The following NCS1 variants were observed in gnomAD, a reference collection of about 807,000 sequenced individuals.
NCS1 encodes frequenin homolog.
Under a neutral mutation model 28.4 loss-of-function variants are expected in NCS1, and 6 were observed. That is an observed-to-expected ratio of 0.21 (90% confidence interval 0.12 to 0.42). NCS1 has a LOEUF of 0.42. Ranked by LOEUF, NCS1 falls within the 10% of genes least tolerant of loss-of-function variation. The pLI is 1.00. For missense variants in NCS1, 131 were observed against 241.4 expected, an observed-to-expected ratio of 0.54 and a Z score of 3.03; for synonymous variants, 86 against 99.3, an observed-to-expected ratio of 0.87 and a Z score of 0.79.
chr9:130,203,044 A>ATG (rs1491370328), intron 2 of NCS1, among the ~76,000 whole-genome samples: 1 of 100,324 alleles, frequency 1.0e-5, no homozygotes, highest in Non-Finnish European at 1.9e-5. Context: ...TCCAGGGTAA[A>ATG]TATGTGTGTG....
chr9:130,176,226 T>C (rs1375889284), intron 1 of NCS1, among the ~76,000 whole-genome samples: 1 of 140,536 alleles, frequency 7.1e-6, no homozygotes, highest in Admixed American at 7.5e-5. Context: ...AGGGTCTGGC[T>C]GTGTTGCCCT....
chr9:130,228,190 C>CT (rs201009270), intron 7 of NCS1, among the ~76,000 whole-genome samples: 2,169 of 148,796 alleles, frequency 0.015, 52 homozygotes, highest in African/African-American at 0.043. Context: ...CTTTTTCTTT[C>CT]TTTTTTTTTT....
chr9:130,211,932 C>A (rs1833118245), intron 2 of NCS1, among the ~76,000 whole-genome samples: 1 of 152,060 alleles, frequency 6.6e-6, no homozygotes, highest in African/African-American at 2.4e-5. Flanking sequence ...CATGACCCGG[C>A]CTGGGGTGGT....
intron 1 of NCS1, among the ~76,000 whole-genome samples, chr9:130,183,178 C>A (rs1368115532): frequency 6.6e-6 from 1 of 152,192 alleles, no homozygotes; most frequent in African/African-American, 2.4e-5. Flanking sequence ...AGAGTTGGGT[C>A]CTGGTTCCAG....
At chr9:130,202,579 GTT>G (rs11329541) in intron 2 of NCS1, among the ~76,000 whole-genome samples, 166 of 122,618 alleles carry the variant, frequency 1.4e-3, no homozygotes, top group Middle Eastern at 4.1e-3. Context: ...TCAAATCCAT[GTT>G]TTTTTTTTTT....
Position 130,181,575 on chromosome 9 carries a change from G to A in NCS1, c.64+8848G>A, listed in dbSNP as rs1242431088. On this transcript the variant is annotated intron_variant, in intron 1 of 7. Transcript: ENST00000372398. This position sits in a 1 kb window ranked among gnomAD's most constrained non-coding sequence, Gnocchi z 5.0. ...GATGAGAGCTGGCTCATGGTCCCAC[G>A]GCTGGAGAGTGGTGCCATTGGGGTC... Among the ~76,000 whole-genome samples, 2 of 152,128 alleles carry A rather than the reference G, an allele frequency of 1.3e-5. No homozygotes were observed. The highest frequency in any genetic ancestry group is 2.1e-4 in the South Asian group (1 of 4,826).
rs1218437498 is a variant in NCS1, at chr9:130,233,994, TTTCTC to T, written c.*1023_*1027del. The T allele has an allele frequency of 6.6e-6, 1 of 152,070 alleles. No individual in the cohort carries two copies. Among genetic ancestry groups the T allele is most frequent in the Admixed American group, 6.6e-5 (1 of 15,250 alleles). The allele number at this position is 152,070 out of a possible 1,614,324, so 9.4% of individuals were successfully genotyped here. A position where few individuals can be genotyped will look rare whatever the true frequency, so the allele number is the denominator to read the frequency against. On this transcript the variant is annotated 3_prime_UTR_variant, in exon 8 of 8. Transcript: ENST00000372398. This position sits in a 1 kb window ranked among gnomAD's most constrained non-coding sequence, Gnocchi z 4.8. The stretch of plus-strand genomic sequence containing the variant: ...AGGATGAACAGGGGACATCTTTAGG[TTTCTC>T]AACTCTTGCTTTGGTGTTTGCCGCA...
rs1833335374 is a variant in NCS1 at position 130,222,113 on chromosome 9, C to CAT, written c.308-537_308-536insAT. Among the ~76,000 whole-genome samples, 18 of 17,100 alleles carry CAT rather than the reference C, an allele frequency of 1.1e-3. 2 individuals carry two copies. The South Asian group carries it at 0.043, about 41-fold the overall frequency. The allele number at this position is 17,100 out of a possible 152,430, so 11.2% of individuals were successfully genotyped here. On this transcript the variant is annotated intron_variant, in intron 4 of 7. Transcript: ENST00000372398. ...ATATGTGTGTGTGTATATATATATACGTATATATATATGTGTATATATATA... is the reference window on the plus strand; with the variant it reads ...ATATGTGTGTGTGTATATATATATACATGTATATATATATGTGTATATATATA...
chr9:130,178,940 T>TTCCCTCCC (rs1832618274), intron 1 of NCS1, among the ~76,000 whole-genome samples: 1 of 43,532 alleles, frequency 2.3e-5, no homozygotes, highest in Non-Finnish European at 4.6e-5. Flanking sequence ...CCTTCCCTCC[T>TTCCCTCCC]CTTTTTTTTT....
chr9:130,228,532 G>A (rs1588127443), intron 7 of NCS1, among the ~76,000 whole-genome samples: 2 of 151,708 alleles, frequency 1.3e-5, no homozygotes, highest in East Asian at 3.9e-4. Flanking sequence ...CCATAGATTG[G>A]TTTTTGAATG....
intron 2 of NCS1, among the ~76,000 whole-genome samples, chr9:130,205,641 A>C (rs1833014204): frequency 6.6e-6 from 1 of 150,658 alleles, no homozygotes; most frequent in African/African-American, 2.4e-5. Context: ...GTTTGAGACC[A>C]GCCTGGGCAC....
intron 1 of NCS1, among the ~76,000 whole-genome samples, chr9:130,188,627 C>T (rs782540449): frequency 1.3e-5 from 2 of 151,950 alleles, no homozygotes; most frequent in Non-Finnish European, 2.9e-5. Flanking sequence ...AGGCTGGTCT[C>T]GAACTCCCGA....
chr9:130,193,880 C>A (rs575309068), intron 1 of NCS1: 1 of 152,360 alleles, frequency 6.6e-6, no homozygotes, highest in Non-Finnish European at 1.5e-5. Context: ...ATGGGTCACT[C>A]GTGGCCAGGC....
chr9:130,224,351 C>T (rs1351360675), intron 6 of NCS1, among the ~76,000 whole-genome samples: 1 of 140,786 alleles, frequency 7.1e-6, no homozygotes, highest in African/African-American at 2.7e-5. Context: ...GAGATCGCGC[C>T]ATTGCACTCC....
chr9:130,206,245 G>C (rs1315348572), intron 2 of NCS1, among the ~76,000 whole-genome samples: 11 of 152,110 alleles, frequency 7.2e-5, no homozygotes, highest in African/African-American at 2.7e-4. Context: ...CTACTCACGG[G>C]CTGGATTCGC....
chr9:130,197,506 C>T (rs1554906969), intron 1 of NCS1, among the ~76,000 whole-genome samples: 1 of 152,198 alleles, frequency 6.6e-6, no homozygotes, highest in Admixed American at 6.5e-5. Flanking sequence ...CGCCTCTCCA[C>T]CCCGGCTCAG....
intron 4 of NCS1, among the ~76,000 whole-genome samples, chr9:130,220,755 T>TC (rs1833271733): frequency 7.2e-6 from 1 of 138,504 alleles, no homozygotes; most frequent in Non-Finnish European, 1.5e-5. Context: ...CTTTCTTTCT[T>TC]TTTTTTTTTT....
chr9:130,213,670 C>T lies in NCS1; in HGVS notation c.90-4162C>T, dbSNP rs1564711296. Among the ~76,000 whole-genome samples, 4 of 152,024 alleles carry T rather than the reference C, an allele frequency of 2.6e-5. No individual in the cohort carries two copies. In the South Asian group the frequency reaches 6.2e-4, roughly 24 times the overall value. ...GCGTGATCTCGGCTCACTGCAACCTCTGACTCCTGGGTTCAAGTGATTCTC... is the reference window on the plus strand; with the variant it reads ...GCGTGATCTCGGCTCACTGCAACCTTTGACTCCTGGGTTCAAGTGATTCTC... On this transcript the variant is annotated intron_variant, in intron 2 of 7. Coordinates refer to ENST00000372398, the MANE Select transcript of NCS1 (RefSeq NM_014286.4).
intron 1 of NCS1, among the ~76,000 whole-genome samples, chr9:130,190,624 T>C (rs1336896538): frequency 6.6e-6 from 1 of 152,172 alleles, no homozygotes; most frequent in African/African-American, 2.4e-5. Context: ...AACGGCACTT[T>C]GTTGGGGCGT....
Sources: gnomAD v4.1 joint callset for allele counts (sites outside exome capture counted in the v4.1 genomes callset) on GRCh38, gnomAD v4.1.1 for gene constraint, Gnocchi (gnomAD v3.1) non-coding constraint, MANE v1.5 for transcripts, NCBI Gene and HGNC (gene_info 2026-07-23, HGNC 2026-07-21) for gene names.